Variants in LAMA1 observed in about 807,000 individuals in gnomAD.
LAMA1 encodes laminin subunit alpha-1.
A neutral mutation model predicts 348.7 loss-of-function variants in LAMA1; 219 were observed. The ratio of observed to expected loss-of-function variants is 0.63; its 90% CI spans 0.56 to 0.70. LAMA1 has a LOEUF of 0.70. Among genes scored for constraint, LAMA1 ranks in the 30% least tolerant of loss-of-function variants. The pLI is 0.00. For synonymous variants in LAMA1, 1,487 were observed against 1,491.0 expected (o/e 1.00, Z 0.06); for missense variants, 3,744 against 3,888.0 (o/e 0.96, Z 0.99).
chr18:6,995,102 A>C (rs77845081), intron 34 of LAMA1, among the ~76,000 whole-genome samples: 8,236 of 152,336 alleles, frequency 0.054, 758 homozygotes, highest in African/African-American at 0.19. Context: ...AATGAAAGTC[A>C]GAGCCAAGAG....
At position 6,956,660 on chromosome 18, in the gene LAMA1, G is replaced by A. The variant is rs2057580122; in HGVS notation, c.8070C>T (p.Leu2690=). The change falls in exon 56 of 63, where the codon CTC becomes CTT. Residue 2690 remains leucine, a synonymous_variant. Coordinates refer to ENST00000389658, the MANE Select transcript of LAMA1 (RefSeq NM_005559.4). ...CTGGAAAAGCCCGGGGCTCTGGCAAGAGCTTGCTGTCCTCTGCATCGGGAG... is the reference window on the plus strand; with the variant it reads ...CTGGAAAAGCCCGGGGCTCTGGCAAAAGCTTGCTGTCCTCTGCATCGGGAG... ...KLAPDAEDSK[L]LPEPRAFPEQ... The A allele has an allele frequency of 1.2e-6, 2 of 1,614,202 alleles. No homozygotes were observed. Among genetic ancestry groups the A allele is most frequent in the Non-Finnish European group, 8.5e-7 (1 of 1,180,040 alleles).
chr18:6,976,149 C>T (rs1351371418), intron 44 of LAMA1, 69 bp from the exon 45 acceptor site: 2 of 1,480,272 alleles, frequency 1.4e-6, no homozygotes, highest in African/African-American at 1.4e-5. Context: ...AGCAGCTCAA[C>T]AATGCTATTC....
chr18:7,115,517 G>A (rs1026911484), intron 1 of LAMA1, among the ~76,000 whole-genome samples: 2 of 151,972 alleles, frequency 1.3e-5, no homozygotes, highest in African/African-American at 4.8e-5. Context: ...GACAGGGAAC[G>A]TCTAACAATC....
chr18:6,950,262 T>C (rs2143973784), intron 58 of LAMA1, among the ~76,000 whole-genome samples: 1 of 152,364 alleles, frequency 6.6e-6, no homozygotes, highest in South Asian at 2.1e-4. Flanking sequence ...ACCCTAGTCC[T>C]TGAATTCTTG....
rs922012572 is a variant in LAMA1 at position 7,074,481 on chromosome 18, T to G, written c.345+5494A>C. Among the ~76,000 whole-genome samples, 6 of 152,312 alleles carry G rather than the reference T, an allele frequency of 3.9e-5. No homozygotes were observed. In the East Asian group the frequency reaches 5.8e-4, roughly 15 times the overall value. On this transcript the variant is annotated intron_variant, in intron 3 of 62. Transcript: ENST00000389658. ...TTTTGGACAATTATAAATGCAAGAT[T>G]CATGAAATGTGCATGCTCTTTCAGA...
intron 50 of LAMA1, 108 bp from the exon 51 acceptor site, chr18:6,964,911 T>A: frequency 1.6e-6 from 2 of 1,256,088 alleles, no homozygotes; most frequent in Middle Eastern, 2.4e-4. Context: ...CATATTCTTT[T>A]AGATTCTGCG....
At chr18:6,985,890 C>G (rs940668318) in intron 37 of LAMA1, among the ~76,000 whole-genome samples, 4 of 152,164 alleles carry the variant, frequency 2.6e-5, no homozygotes, top group African/African-American at 9.7e-5. Flanking sequence ...TCCCGAGTAG[C>G]TGGGACTACA....
At chr18:7,022,295 G>A (rs950207026) in intron 19 of LAMA1, among the ~76,000 whole-genome samples, 1 of 152,176 alleles carries the variant, frequency 6.6e-6, no homozygotes, top group Non-Finnish European at 1.5e-5. Context: ...GAAATGACAT[G>A]AAAATGATAA....
At chr18:6,963,433 T>G (rs1205455569) in intron 51 of LAMA1, among the ~76,000 whole-genome samples, 1 of 152,032 alleles carries the variant, frequency 6.6e-6, no homozygotes, top group Non-Finnish European at 1.5e-5. Context: ...TCCGCTGAGG[T>G]TTAAATGGAT....
intron 1 of LAMA1, 70 bp downstream of exon 1, chr18:7,117,590 C>T: frequency 1.3e-6 from 2 of 1,523,620 alleles, no homozygotes; most frequent in Non-Finnish European, 1.8e-6. Context: ...ACGCGACGGG[C>T]TTTGTCCGCG....
chr18:7,024,481 G>A lies in LAMA1; in HGVS notation c.2403-15C>T. 1 of 1,607,778 alleles carries A rather than the reference G, an allele frequency of 6.2e-7. No individual in the cohort carries two copies. Among genetic ancestry groups the A allele is most frequent in the African/African-American group, 1.3e-5 (1 of 74,896 alleles). ...TGGGGCTGAAACTGTCAAAACATTA[G>A]AAATGAACAAAATTTTCCAATGGAT... On this transcript the variant is annotated splice_polypyrimidine_tract_variant and intron_variant, in intron 17 of 62. Coordinates refer to ENST00000389658, the MANE Select transcript of LAMA1 (RefSeq NM_005559.4).
chr18:7,006,597 T>C (rs994144523), intron 29 of LAMA1, among the ~76,000 whole-genome samples: 2 of 152,158 alleles, frequency 1.3e-5, no homozygotes, highest in African/African-American at 4.8e-5. Flanking sequence ...AATGCATCCC[T>C]AGCTGATTTC....
chr18:7,028,685 T>C, intron 16 of LAMA1, among the ~76,000 whole-genome samples: 1 of 152,306 alleles, frequency 6.6e-6, no homozygotes, highest in African/African-American at 2.4e-5. Context: ...CTGGAAATGG[T>C]ACATACATGA....
In LAMA1 at chr18:7,050,754, AGC is replaced by A. The variant is rs1290232497; in HGVS notation, c.526_527del (p.Ala176Ter). ...TPRRGPPTYRADDEVICTSYY... is the reference protein window; with the variant it reads ...TPRRGPPTYRXDDEVICTSYY... ...AGGAGGTGCAGATCACTTCATCATC[AGC>A]CCTGTAGGTGGGTGGCCCTCGTCTT... On this transcript the variant is annotated frameshift_variant, in exon 4 of 63. Transcript: ENST00000389658. LOFTEE classifies it high-confidence loss of function. 2.5e-6 allele frequency: 4 copies of A among 1,614,060 alleles called. No homozygotes were observed. The African/African-American group carries it at 5.3e-5, about 22-fold the overall frequency.
chr18:7,043,294 T>G lies in LAMA1; in HGVS notation c.1088A>C (p.Asn363Thr). The change falls in exon 8 of 63, where the codon AAT (asparagine) becomes ACT (threonine). Residue 363 changes from asparagine (N) to threonine (T), a missense_variant. Asn to Thr is a moderately conservative substitution (Grantham distance 65, BLOSUM62 0). Coordinates refer to ENST00000389658, the MANE Select transcript of LAMA1 (RefSeq NM_005559.4). ...GATTCCCATGGTGTTCTGCAAGCAA[T>G]TTATGCAAACCCCTCCTCCTCTGAA... ...GQFRGGGVCI[N>T]CLQNTMGINC... The G allele has an allele frequency of 6.2e-7, 1 of 1,614,150 alleles. No individual in the cohort carries two copies. Among genetic ancestry groups the G allele is most frequent in the Non-Finnish European group, 8.5e-7 (1 of 1,180,020 alleles).
intron 28 of LAMA1, 97 bp downstream of exon 28, chr18:7,008,391 G>T: frequency 1.5e-6 from 2 of 1,351,946 alleles, no homozygotes; most frequent in Non-Finnish European, 2.1e-6. Flanking sequence ...AAATGATATA[G>T]TAGATACACA....
At chr18:7,066,678 CAAATA>C (rs746295567) in intron 3 of LAMA1, among the ~76,000 whole-genome samples, 1 of 151,916 alleles carries the variant, frequency 6.6e-6, no homozygotes, top group Non-Finnish European at 1.5e-5. Context: ...TCATTATAAA[CAAATA>C]AATTCTCTGC....
chr18:7,059,686 A>T (rs747745302), intron 3 of LAMA1, among the ~76,000 whole-genome samples: 2 of 152,192 alleles, frequency 1.3e-5, no homozygotes, highest in Non-Finnish European at 2.9e-5. Context: ...GCAGGCTCTC[A>T]GGAAATCTAT....
chr18:6,999,373 C>T, intron 32 of LAMA1, 72 bp downstream of exon 32: 1 of 1,454,480 alleles, frequency 6.9e-7, no homozygotes, highest in African/African-American at 1.4e-5. Flanking sequence ...CTTTAGCGTG[C>T]CGTCACCACT....
Sources: allele counts gnomAD v4.1 joint callset (sites outside exome capture counted in the v4.1 genomes callset), GRCh38; gene constraint gnomAD v4.1.1; transcripts MANE v1.5; gene names NCBI Gene and HGNC (gene_info 2026-07-23, HGNC 2026-07-21).